The following HIBCH variants were observed in gnomAD, a reference collection of about 807,000 sequenced individuals.
HIBCH encodes the protein 3-hydroxyisobutyryl-CoA hydrolase.
A neutral mutation model predicts 58.2 loss-of-function variants in HIBCH; 50 were observed. The observed-to-expected ratio is 0.86, with a 90% CI of 0.68 to 1.09. The LOEUF (loss-of-function observed/expected upper bound fraction) is 1.09. HIBCH is among the 50% of genes least tolerant of loss of function. HIBCH has a pLI of 0.00. For missense variants in HIBCH, 450 were observed against 449.7 expected, an observed-to-expected ratio of 1.00 and a Z score of -0.01; for synonymous variants, 151 against 146.9, an observed-to-expected ratio of 1.03 and a Z score of -0.20.
chr2:190,248,940 G>C (rs545939299), intron 9 of HIBCH, among the ~76,000 whole-genome samples: 9 of 152,020 alleles, frequency 5.9e-5, no homozygotes, highest in African/African-American at 2.2e-4. Context: ...CTAGTCTTCA[G>C]AGGGACCTAG....
At chr2:190,224,334 C>T (rs190053715) in intron 11 of HIBCH, among the ~76,000 whole-genome samples, 7 of 152,022 alleles carry the variant, frequency 4.6e-5, no homozygotes, top group Admixed American at 3.3e-4. Context: ...GGGGTCAGGG[C>T]TTAGCAAATT....
At chr2:190,280,740 A>C (rs1575746157) in intron 6 of HIBCH, among the ~76,000 whole-genome samples, 1 of 152,254 alleles carries the variant, frequency 6.6e-6, no homozygotes, top group Admixed American at 6.5e-5. Context: ...AGCCCACCCC[A>C]AGGAAAAATC....
chr2:190,225,932 T>G (rs1025053433), intron 11 of HIBCH, among the ~76,000 whole-genome samples: 1 of 152,130 alleles, frequency 6.6e-6, no homozygotes, highest in Non-Finnish European at 1.5e-5. Flanking sequence ...ATGATCAAGT[T>G]GGCTTCATCC....
At chr2:190,261,049 G>C (rs1687074117) in intron 7 of HIBCH, 107 bp downstream of exon 7, 2 of 800,984 alleles carry the variant, frequency 2.5e-6, no homozygotes, top group Non-Finnish European at 4.3e-6. Flanking sequence ...TTTCATTGTT[G>C]CATCTCACAC....
At chr2:190,238,278 A>G (rs1559027304) in intron 11 of HIBCH, among the ~76,000 whole-genome samples, 1 of 152,128 alleles carries the variant, frequency 6.6e-6, no homozygotes, top group East Asian at 1.9e-4. Context: ...ACTAATTTAC[A>G]CTCCCACCAA....
In HIBCH at chr2:190,296,345, G is replaced by A. The variant is rs555919085; in HGVS notation, c.219+468C>T. Among the ~76,000 whole-genome samples, 30 of 151,974 alleles carry A rather than the reference G, an allele frequency of 2.0e-4. No homozygotes were observed. The East Asian group carries it at 4.5e-3, about 23-fold the overall frequency. On this transcript the variant is annotated intron_variant, in intron 3 of 13. Coordinates refer to ENST00000359678, the MANE Select transcript of HIBCH (RefSeq NM_014362.4). ...TGAAGCAGGAGAATGGCATGAACCC[G>A]GGAGGTGGAGCTTGCAGTGAGCCGA...
chr2:190,261,554 G>T (rs1488031411), intron 6 of HIBCH, among the ~76,000 whole-genome samples: 1 of 151,188 alleles, frequency 6.6e-6, no homozygotes, highest in Non-Finnish European at 1.5e-5. Flanking sequence ...TTTTCCCTAT[G>T]TATTTCTTAT....
At chr2:190,318,564 G>GT (rs1193468182) in intron 1 of HIBCH, among the ~76,000 whole-genome samples, 1 of 152,150 alleles carries the variant, frequency 6.6e-6, no homozygotes, top group Non-Finnish European at 1.5e-5. Flanking sequence ...CCCCAAAATG[G>GT]TCCTGGCCTC....
At chr2:190,261,267 G>A (rs968032374) in intron 6 of HIBCH, 33 bp from the exon 7 acceptor site, 4 of 1,448,426 alleles carry the variant, frequency 2.8e-6, no homozygotes, top group Admixed American at 1.7e-5. Context: ...GAGGCGGGGG[G>A]GAATTAAACA....
At chr2:190,259,977 A>G (rs1687043680) in intron 7 of HIBCH, among the ~76,000 whole-genome samples, 1 of 152,318 alleles carries the variant, frequency 6.6e-6, no homozygotes, top group South Asian at 2.1e-4. Flanking sequence ...GTAGAAGACT[A>G]AATGCTTTCC....
chr2:190,192,156 TG>T lies in HIBCH; in HGVS notation c.*18-2160del, dbSNP rs754401750. 9.9e-5 allele frequency among the ~76,000 whole-genome samples: 15 copies of T among 152,192 alleles called. 1 individual carries two copies. The East Asian group carries it at 1.4e-3, about 14-fold the overall frequency. On this transcript the variant is annotated intron_variant, in intron 1 of 1. Transcript: ENST00000399855. The stretch of plus-strand genomic sequence containing the variant: ...AGTATAAGGTATAAGTAGATTTTGG[TG>T]GGGGGAGAGTATGTGAATGTCCAAT...
chr2:190,206,921 C>T lies in HIBCH; in HGVS notation c.1046-1689G>A, dbSNP rs939193446. ...TAGGCGGATTACGAGGTCAGGAGATCGAGACCATCCTGGCTAACACTGTGA... is the reference window on the plus strand; with the variant it reads ...TAGGCGGATTACGAGGTCAGGAGATTGAGACCATCCTGGCTAACACTGTGA... On this transcript the variant is annotated intron_variant, in intron 13 of 13. Coordinates refer to ENST00000359678, the MANE Select transcript of HIBCH (RefSeq NM_014362.4). The surrounding 1 kb of genome is among the most constrained non-coding windows in gnomAD (Gnocchi z 5.1). Among the ~76,000 whole-genome samples the T allele has an allele frequency of 1.1e-4, 17 of 152,044 alleles. No individual in the cohort carries two copies. In the East Asian group the frequency reaches 2.3e-3, roughly 21 times the overall value.
rs534916854 is a variant in HIBCH at position 190,244,055 on chromosome 2, T to C, written c.891+832A>G. On this transcript the variant is annotated intron_variant, in intron 11 of 13. Transcript: ENST00000359678. ...TAAGACTATCAAAATTTTTTCTCAATATGTTTCCTGACAACTGAAATGCTA... is the reference window on the plus strand; with the variant it reads ...TAAGACTATCAAAATTTTTTCTCAACATGTTTCCTGACAACTGAAATGCTA... Among the ~76,000 whole-genome samples, 3 of 152,276 alleles carry C rather than the reference T, an allele frequency of 2.0e-5. No individual in the cohort carries two copies. In the South Asian group the frequency reaches 6.2e-4, roughly 32 times the overall value.
At chr2:190,226,912 C>T (rs1685919905) in intron 11 of HIBCH, among the ~76,000 whole-genome samples, 1 of 152,126 alleles carries the variant, frequency 6.6e-6, no homozygotes, top group Non-Finnish European at 1.5e-5. Context: ...CAAACCACTG[C>T]TCAACGAAAT....
At chr2:190,293,992 AAT>A (rs1473847275) in intron 4 of HIBCH, among the ~76,000 whole-genome samples, 1 of 144,126 alleles carries the variant, frequency 6.9e-6, no homozygotes, top group Non-Finnish European at 1.5e-5. Flanking sequence ...ATATACTTAC[AAT>A]ATATATTTTG....
chr2:190,299,851 T>C (rs1490769241), intron 2 of HIBCH, among the ~76,000 whole-genome samples: 2 of 152,126 alleles, frequency 1.3e-5, no homozygotes, highest in Non-Finnish European at 2.9e-5. Context: ...CCAGTGTCTG[T>C]TGTTTTCCTC....
At chr2:190,247,603 T>A (rs1017711264) in intron 9 of HIBCH, among the ~76,000 whole-genome samples, 3 of 152,202 alleles carry the variant, frequency 2.0e-5, no homozygotes, top group Non-Finnish European at 4.4e-5. Context: ...GAATAATACC[T>A]CTAGTTTTCC....
chr2:190,234,736 G>A (rs1376820690), intron 11 of HIBCH, among the ~76,000 whole-genome samples: 5 of 151,934 alleles, frequency 3.3e-5, no homozygotes, highest in African/African-American at 1.2e-4. Flanking sequence ...TGTAATCCCA[G>A]TTACTCGGGA....
chr2:190,296,818 G>A lies in HIBCH; in HGVS notation c.214C>T (p.Leu72=), dbSNP rs149479887. The A allele has an allele frequency of 2.2e-3, 3,626 of 1,613,406 alleles. 27 individuals are homozygous for A. The Middle Eastern group carries it at 0.033, about 15-fold the overall frequency. ...LNMIRQIYPQ[L]KKWEQDPETF... is the part of the protein sequence containing the mutation. ...GCAATAAGAAAATTACAAACCTTTA[G>A]CTGTGGATAAATCTGCCGAATCATA... The change falls in exon 3 of 14, where the codon CTA becomes TTA. Residue 72 remains leucine (L), a synonymous_variant. Transcript: ENST00000359678.
Sources: allele counts gnomAD v4.1 joint callset (sites outside exome capture counted in the v4.1 genomes callset), GRCh38; gene constraint gnomAD v4.1.1; non-coding constraint Gnocchi (gnomAD v3.1); transcripts MANE v1.5; gene names NCBI Gene and HGNC (gene_info 2026-07-23, HGNC 2026-07-21).